Variants in FGFR2 observed in about 807,000 individuals in gnomAD.
FGFR2 encodes fibroblast growth factor receptor 2.
A neutral mutation model predicts 95.9 loss-of-function variants in FGFR2; 19 were observed. That is an observed-to-expected ratio of 0.20 (90% CI 0.14 to 0.29). The LOEUF (loss-of-function observed/expected upper bound fraction) is 0.29. Ranked by LOEUF, FGFR2 falls within the 10% of genes least tolerant of loss-of-function variation. FGFR2 has a pLI of 1.00. For synonymous variants in FGFR2, 392 were observed against 393.3 expected, an observed-to-expected ratio of 1.00 and a Z score of 0.04; for missense variants, 707 against 1,056.9, an observed-to-expected ratio of 0.67 and a Z score of 4.59.
At chr10:121,511,994 G>T (rs1849109100) in intron 9 of FGFR2, among the ~76,000 whole-genome samples, 2 of 152,340 alleles carry the variant, frequency 1.3e-5, no homozygotes, top group Non-Finnish European at 2.9e-5. Flanking sequence ...AGAGAACAAG[G>T]ATGGACTGAG....
At chr10:121,500,744 A>G (rs2134002447) in intron 11 of FGFR2, 82 bp downstream of exon 11, 1 of 1,585,676 alleles carries the variant, frequency 6.3e-7, no homozygotes, top group Non-Finnish European at 8.6e-7. Flanking sequence ...GTGCCATGAT[A>G]GAGTTCACAT....
intron 5 of FGFR2, among the ~76,000 whole-genome samples, chr10:121,540,234 G>A (rs1263041353): frequency 6.6e-6 from 1 of 152,164 alleles, no homozygotes; most frequent in African/African-American, 2.4e-5. Context: ...GCTGGTGATG[G>A]GAAACTGATC....
intron 6 of FGFR2, among the ~76,000 whole-genome samples, chr10:121,536,252 G>T (rs1852802299): frequency 6.6e-6 from 1 of 152,162 alleles, no homozygotes; most frequent in Non-Finnish European, 1.5e-5. Context: ...GCAATTACTA[G>T]GGTTTTGAGC....
intron 9 of FGFR2, among the ~76,000 whole-genome samples, chr10:121,512,245 G>C (rs919278117): frequency 3.3e-5 from 5 of 152,204 alleles, no homozygotes; most frequent in African/African-American, 9.7e-5. Flanking sequence ...CCTTTCTGGG[G>C]CTTTTCATTC....
At chr10:121,557,247 T>C (rs773702297) in intron 4 of FGFR2, among the ~76,000 whole-genome samples, 1 of 152,230 alleles carries the variant, frequency 6.6e-6, no homozygotes, top group Non-Finnish European at 1.5e-5. Flanking sequence ...CTGAGAAAGA[T>C]ATTCAGTCCA....
chr10:121,560,301 A>T (rs1219295474), intron 4 of FGFR2, among the ~76,000 whole-genome samples: 1 of 152,130 alleles, frequency 6.6e-6, no homozygotes, highest in Non-Finnish European at 1.5e-5. Context: ...CTCCAGCTTC[A>T]TGCCAGAGCC....
intron 3 of FGFR2, 46 bp downstream of exon 3, chr10:121,565,392 A>G: frequency 6.2e-7 from 1 of 1,611,592 alleles, no homozygotes; most frequent in African/African-American, 1.3e-5. Context: ...AAAAAAATGT[A>G]ATGGCTACAG....
chr10:121,568,620 G>A (rs1389349942), intron 2 of FGFR2, among the ~76,000 whole-genome samples: 3 of 151,420 alleles, frequency 2.0e-5, no homozygotes, highest in African/African-American at 7.3e-5. Flanking sequence ...ACTCCATTAG[G>A]GGGAAAAAAA....
At chr10:121,573,607 CAGAG>C (rs1859205432) in intron 2 of FGFR2, among the ~76,000 whole-genome samples, 2 of 150,136 alleles carry the variant, frequency 1.3e-5, no homozygotes, top group Admixed American at 6.7e-5. Flanking sequence ...GGGAGAGAAA[CAGAG>C]GGAGGGAGAG....
chr10:121,538,999 G>T (rs1158221469), intron 5 of FGFR2, among the ~76,000 whole-genome samples: 1 of 152,232 alleles, frequency 6.6e-6, no homozygotes, highest in African/African-American at 2.4e-5. Flanking sequence ...GGCTCCTCTA[G>T]GAGAGGCCAA....
intron 6 of FGFR2, among the ~76,000 whole-genome samples, chr10:121,520,952 T>C (rs2134333290): frequency 6.6e-6 from 1 of 152,354 alleles, no homozygotes; most frequent in East Asian, 1.9e-4. Context: ...TCCAGTACAT[T>C]TCTAAGATGC....
chr10:121,516,749 G>A (rs1424613596), intron 8 of FGFR2, among the ~76,000 whole-genome samples: 1 of 152,162 alleles, frequency 6.6e-6, no homozygotes, highest in Non-Finnish European at 1.5e-5. Context: ...AAGATGGCAG[G>A]AGCATGCTTT....
intron 6 of FGFR2, among the ~76,000 whole-genome samples, chr10:121,528,657 C>T (rs1003159910): frequency 2.6e-4 from 40 of 152,178 alleles, no homozygotes; most frequent in African/African-American, 9.7e-4. Flanking sequence ...AGAGGCTGAA[C>T]AATAAATCCC....
chr10:121,481,073 T>C (rs1180069969), intron 17 of FGFR2, among the ~76,000 whole-genome samples: 1 of 152,184 alleles, frequency 6.6e-6, no homozygotes, highest in East Asian at 1.9e-4. Flanking sequence ...ACTTTGAGGC[T>C]ACAGTGGCGA....
At chr10:121,553,699 A>G (rs1194491254) in intron 4 of FGFR2, among the ~76,000 whole-genome samples, 4 of 152,260 alleles carry the variant, frequency 2.6e-5, no homozygotes, top group Non-Finnish European at 5.9e-5. Flanking sequence ...TCTTTCAGAT[A>G]ACATCAATTA....
At chr10:121,587,730 C>T (rs993604677) in intron 2 of FGFR2, among the ~76,000 whole-genome samples, 5 of 151,954 alleles carry the variant, frequency 3.3e-5, no homozygotes, top group Admixed American at 2.0e-4. Flanking sequence ...ATTAATAAAA[C>T]GTCAAAAAAT....
rs1413473825 is a variant in FGFR2 at position 121,593,905 on chromosome 10, G to A, written c.-88C>T. The A allele has an allele frequency of 8.2e-7, 1 of 1,218,744 alleles. No homozygotes were observed. 75.5% of individuals were successfully genotyped at this position (1,218,744 alleles called of 1,614,324 possible). A position where few individuals can be genotyped will look rare whatever the true frequency, so the allele number is the denominator to read the frequency against. On this transcript the variant is annotated 5_prime_UTR_variant, in exon 2 of 18. Transcript: ENST00000358487. ...CACTTCCTCTACGGGCATGGACTAC[G>A]CGCAATGCCTTCAGCCTGCGGTGGG...
chr10:121,547,819 G>A (rs188271433), intron 5 of FGFR2, among the ~76,000 whole-genome samples: 2 of 152,296 alleles, frequency 1.3e-5, no homozygotes, highest in Non-Finnish European at 2.9e-5. Context: ...TGAGGCAAAC[G>A]CAGGCCATAG....
chr10:121,488,745 A>C (rs914183212), intron 13 of FGFR2, among the ~76,000 whole-genome samples: 1 of 152,162 alleles, frequency 6.6e-6, no homozygotes, highest in African/African-American at 2.4e-5. Context: ...GTCCAGCCAC[A>C]CCAGTGTCTT....
Sources: gnomAD v4.1 joint callset for allele counts (sites outside exome capture counted in the v4.1 genomes callset) on GRCh38, gnomAD v4.1.1 for gene constraint, MANE v1.5 for transcripts, NCBI Gene and HGNC (gene_info 2026-07-23, HGNC 2026-07-21) for gene names.